Variants in SLC24A2 observed in about 807,000 individuals in gnomAD.
SLC24A2 encodes sodium/potassium/calcium exchanger 2.
A neutral mutation model predicts 62.0 loss-of-function variants in SLC24A2; 36 were observed. The observed-to-expected ratio is 0.58, with a 90% CI of 0.44 to 0.77. SLC24A2 has a LOEUF of 0.77. SLC24A2 is among the 30% of genes least tolerant of loss of function. SLC24A2 has a pLI of 0.00. For synonymous variants in SLC24A2, 358 were observed against 294.0 expected, an observed-to-expected ratio of 1.22 and a Z score of -2.23; for missense variants, 846 against 817.9, an observed-to-expected ratio of 1.03 and a Z score of -0.42.
chr9:20,285,834 A>G, the SLC24A2 span, among the ~76,000 whole-genome samples: 1 of 152,218 alleles, frequency 6.6e-6, no homozygotes, highest in Admixed American at 6.5e-5. Context: ...ACACCAAGGA[A>G]GGGCATGCAC....
intron 2 of SLC24A2, among the ~76,000 whole-genome samples, chr9:19,724,645 C>CA (rs1465549914): frequency 6.6e-6 from 1 of 152,184 alleles, no homozygotes; most frequent in Non-Finnish European, 1.5e-5. Flanking sequence ...GGAGAACATT[C>CA]AGCTTATGCC....
At chr9:19,646,268 G>T (rs1181754869) in intron 2 of SLC24A2, among the ~76,000 whole-genome samples, 1 of 152,092 alleles carries the variant, frequency 6.6e-6, no homozygotes, top group Non-Finnish European at 1.5e-5. Context: ...TCAGTTTCTT[G>T]CTTGTTTGTA....
intron 2 of SLC24A2, among the ~76,000 whole-genome samples, chr9:19,717,284 A>T (rs1454964702): frequency 6.6e-6 from 1 of 152,206 alleles, no homozygotes; most frequent in Non-Finnish European, 1.5e-5. Flanking sequence ...CAGAAAAGAA[A>T]ATGGGAATGT....
chr9:19,947,844 G>T, the SLC24A2 span, among the ~76,000 whole-genome samples: 10 of 142,484 alleles, frequency 7.0e-5, no homozygotes, highest in African/African-American at 2.3e-4. Context: ...AAGAAAGAAA[G>T]AAAGAAATTA....
At chr9:19,533,926 T>C (rs1833827780) in intron 8 of SLC24A2, among the ~76,000 whole-genome samples, 1 of 152,254 alleles carries the variant, frequency 6.6e-6, no homozygotes, top group South Asian at 2.1e-4. Context: ...TACACCCATA[T>C]ATCTTCCAAA....
At chr9:19,818,236 C>T in the SLC24A2 span, among the ~76,000 whole-genome samples, 4 of 152,112 alleles carry the variant, frequency 2.6e-5, 1 homozygote, top group Non-Finnish European at 5.9e-5. Flanking sequence ...AAGTCTCTAA[C>T]TCCTACCTGC....
At chr9:19,585,769 C>T (rs1404435023) in intron 5 of SLC24A2, among the ~76,000 whole-genome samples, 3 of 152,162 alleles carry the variant, frequency 2.0e-5, no homozygotes, top group Non-Finnish European at 4.4e-5. Context: ...CATTTGAGAG[C>T]CATCCTGATG....
At chr9:20,242,860 G>A in the SLC24A2 span, among the ~76,000 whole-genome samples, 1 of 152,088 alleles carries the variant, frequency 6.6e-6, no homozygotes, top group Admixed American at 6.6e-5. Flanking sequence ...TGCTGTCAGC[G>A]AGGCAATCTA....
chr9:19,588,888 G>C (rs1042830941), intron 5 of SLC24A2, among the ~76,000 whole-genome samples: 8 of 152,196 alleles, frequency 5.3e-5, no homozygotes, highest in Non-Finnish European at 1.0e-4. Flanking sequence ...TGGAACCTGG[G>C]AGGCGGAGGT....
the SLC24A2 span, among the ~76,000 whole-genome samples, chr9:19,891,703 G>A: frequency 4.6e-5 from 7 of 152,026 alleles, no homozygotes; most frequent in Admixed American, 1.3e-4. Context: ...CTATGATCAC[G>A]CCACTGCACT....
chr9:19,735,821 A>C (rs1415026477), intron 2 of SLC24A2, among the ~76,000 whole-genome samples: 4 of 151,430 alleles, frequency 2.6e-5, no homozygotes, highest in African/African-American at 4.9e-5. Context: ...GAACACATGG[A>C]CACAGGAAGG....
At chr9:19,558,168 C>T (rs116757171) in intron 7 of SLC24A2, among the ~76,000 whole-genome samples, 1 of 152,204 alleles carries the variant, frequency 6.6e-6, no homozygotes, top group African/African-American at 2.4e-5. Context: ...TTCTCAGAGT[C>T]ATATAACATC....
Position 19,508,131 on chromosome 9 carries a change from G to T in SLC24A2, c.*8022C>A, listed in dbSNP as rs2132594529. The T allele has an allele frequency of 6.6e-6, 1 of 152,292 alleles. No individual in the cohort carries two copies. The highest frequency in any genetic ancestry group is 2.4e-5 in the African/African-American group (1 of 41,552). 9.4% of individuals were successfully genotyped at this position (152,292 alleles called of 1,614,324 possible). A position where few individuals can be genotyped will look rare whatever the true frequency, so the allele number is the denominator to read the frequency against. On this transcript the variant is annotated 3_prime_UTR_variant, in exon 11 of 11. Transcript: ENST00000341998. ...TTTTTAAGTATGTGGATTGCTTGATGGTGGAAGCTGTTGCTTCCGGAGTTT... is the reference window on the plus strand; with the variant it reads ...TTTTTAAGTATGTGGATTGCTTGATTGTGGAAGCTGTTGCTTCCGGAGTTT...
chr9:20,098,921 C>G, the SLC24A2 span, among the ~76,000 whole-genome samples: 4 of 152,288 alleles, frequency 2.6e-5, no homozygotes, highest in Admixed American at 6.5e-5. Context: ...GATTTTAGAC[C>G]CTGCTCTCCT....
intron 2 of SLC24A2, among the ~76,000 whole-genome samples, chr9:19,725,719 A>G (rs1308941380): frequency 1.3e-5 from 2 of 152,178 alleles, no homozygotes; most frequent in Non-Finnish European, 2.9e-5. Context: ...ATTTTTCATG[A>G]GTGAGAATTT....
chr9:19,765,352 G>A (rs1030529615), intron 2 of SLC24A2, among the ~76,000 whole-genome samples: 1 of 152,116 alleles, frequency 6.6e-6, no homozygotes, highest in Non-Finnish European at 1.5e-5. Flanking sequence ...ATGCTAACTG[G>A]TTATTTTGCC....
chr9:20,019,115 A>C, the SLC24A2 span, among the ~76,000 whole-genome samples: 27 of 36,346 alleles, frequency 7.4e-4, no homozygotes, highest in East Asian at 0.041. Context: ...GAAAGAAAGA[A>C]AGAAAGAAAG....
chr9:19,770,121 C>T (rs779538785), intron 2 of SLC24A2, among the ~76,000 whole-genome samples: 1 of 151,330 alleles, frequency 6.6e-6, no homozygotes, highest in African/African-American at 2.4e-5. Context: ...GCCAGGAAAC[C>T]TAACTTGCCT....
chr9:20,100,490 A>G, the SLC24A2 span, among the ~76,000 whole-genome samples: 3 of 152,200 alleles, frequency 2.0e-5, no homozygotes, highest in Non-Finnish European at 4.4e-5. Flanking sequence ...TTTCTCTTGC[A>G]CATTTCTCAT....
Sources: allele counts gnomAD v4.1 joint callset (sites outside exome capture counted in the v4.1 genomes callset), GRCh38; gene constraint gnomAD v4.1.1; transcripts MANE v1.5; gene names NCBI Gene and HGNC (gene_info 2026-07-23, HGNC 2026-07-21).